The following GRHL2 variants were observed in gnomAD, a reference collection of about 807,000 sequenced individuals.
The protein encoded by GRHL2 is grainyhead-like protein 2 homolog.
A neutral mutation model predicts 83.8 loss-of-function variants in GRHL2; 21 were observed. The observed-to-expected ratio is 0.25, with a 90% confidence interval of 0.18 to 0.36. The LOEUF (loss-of-function observed/expected upper bound fraction) is 0.36. Ranked by LOEUF, GRHL2 falls within the 10% of genes least tolerant of loss-of-function variation. GRHL2 has a pLI of 1.00. For synonymous variants in GRHL2, 280 were observed against 278.9 expected, an observed-to-expected ratio of 1.00 and a Z score of -0.04; for missense variants, 623 against 781.8, an observed-to-expected ratio of 0.80 and a Z score of 2.42.
Position 101,652,072 on chromosome 8 carries a change from A to G in GRHL2, c.1698+2573A>G, listed in dbSNP as rs143764152. Among the ~76,000 whole-genome samples, 506 of 152,184 alleles carry G rather than the reference A, an allele frequency of 3.3e-3. 1 individual carries two copies. Among genetic ancestry groups the G allele is most frequent in the Middle Eastern group, 6.8e-3 (2 of 294 alleles). On this transcript the variant is annotated intron_variant, in intron 14 of 15. Coordinates refer to ENST00000646743, the MANE Select transcript of GRHL2 (RefSeq NM_024915.4). ...ATGAAGCGGTAGAATTGTCAAGAAC[A>G]GTGGCTCCTGCTCACTGTAGTTGTA...
At chr8:101,604,448 C>T (rs1812588199) in intron 8 of GRHL2, among the ~76,000 whole-genome samples, 1 of 152,152 alleles carries the variant, frequency 6.6e-6, no homozygotes, top group African/African-American at 2.4e-5. Context: ...TTGTCCAGGG[C>T]TGTTTTCTCT....
At chr8:101,595,699 G>GT (rs1266874134) in intron 7 of GRHL2, among the ~76,000 whole-genome samples, 9 of 151,720 alleles carry the variant, frequency 5.9e-5, no homozygotes, top group Admixed American at 1.3e-4. Flanking sequence ...GTTTTTCTTT[G>GT]TTTTTTGTTT....
the GRHL2 span, among the ~76,000 whole-genome samples, chr8:101,677,460 G>T: frequency 6.6e-6 from 1 of 151,874 alleles, no homozygotes; most frequent in African/African-American, 2.4e-5. Context: ...TATAGTGCTT[G>T]GTTCTATGTT....
chr8:101,593,002 A>G (rs532889200), intron 7 of GRHL2, among the ~76,000 whole-genome samples: 1 of 152,234 alleles, frequency 6.6e-6, no homozygotes, highest in African/African-American at 2.4e-5. Context: ...GCTGGAGTGC[A>G]ATGGTGTGAT....
Position 101,614,117 on chromosome 8 carries a change from TAATA to T in GRHL2, c.1099-5418_1099-5415del, listed in dbSNP as rs570821104. Among the ~76,000 whole-genome samples, 441 of 151,220 alleles carry T rather than the reference TAATA, an allele frequency of 2.9e-3. 36 individuals carry two copies. The highest frequency in any genetic ancestry group is 0.01 in the African/African-American group (421 of 40,590). On this transcript the variant is annotated intron_variant, in intron 8 of 15. Coordinates refer to ENST00000646743, the MANE Select transcript of GRHL2 (RefSeq NM_024915.4). ...AAAGCTCATTGATTTGTGCTTATTT[TAATA>T]AATCTTACTGTATGCATAATGTACA...
chr8:101,646,975 C>G (rs1393458933), intron 13 of GRHL2, among the ~76,000 whole-genome samples: 1 of 152,208 alleles, frequency 6.6e-6, no homozygotes, highest in East Asian at 1.9e-4. Flanking sequence ...CAACGCGGCT[C>G]CCTTTAACAC....
chr8:101,623,714 G>C (rs1283454105), intron 9 of GRHL2, among the ~76,000 whole-genome samples: 1 of 151,642 alleles, frequency 6.6e-6, no homozygotes, highest in Admixed American at 6.6e-5. Flanking sequence ...CAGTAGGACA[G>C]TTTACAGTAC....
chr8:101,557,655 TA>T (rs1811516049), intron 3 of GRHL2, among the ~76,000 whole-genome samples: 2 of 152,242 alleles, frequency 1.3e-5, no homozygotes, highest in African/African-American at 4.8e-5. Context: ...ACTTGATTTT[TA>T]TGACTTTTAA....
intron 14 of GRHL2, among the ~76,000 whole-genome samples, chr8:101,662,414 C>A (rs906740318): frequency 6.6e-6 from 1 of 152,164 alleles, no homozygotes; most frequent in South Asian, 2.1e-4. Flanking sequence ...GAGTTCTTCC[C>A]GTGGGGTGAG....
chr8:101,631,079 T>G (rs1452390182), intron 9 of GRHL2, among the ~76,000 whole-genome samples: 1 of 152,164 alleles, frequency 6.6e-6, no homozygotes, highest in Non-Finnish European at 1.5e-5. Context: ...TATGGAAATA[T>G]TAAAACAAAA....
chr8:101,530,450 A>G (rs112194440), intron 1 of GRHL2, among the ~76,000 whole-genome samples: 1,848 of 152,324 alleles, frequency 0.012, 30 homozygotes, highest in African/African-American at 0.042. Context: ...TGGTTATAAC[A>G]TAATTCTTTC....
chr8:101,568,556 C>T (rs1170438754), intron 4 of GRHL2, among the ~76,000 whole-genome samples: 4 of 151,892 alleles, frequency 2.6e-5, no homozygotes, highest in Admixed American at 1.3e-4. Context: ...TCAACATAGA[C>T]TTTCATATAT....
intron 14 of GRHL2, among the ~76,000 whole-genome samples, chr8:101,661,993 A>G (rs889158703): frequency 6.6e-6 from 1 of 152,156 alleles, no homozygotes; most frequent in Non-Finnish European, 1.5e-5. Flanking sequence ...GCGCTTTGAA[A>G]TTGTTTTTGA....
chr8:101,648,141 T>G (rs1336328995), intron 13 of GRHL2, among the ~76,000 whole-genome samples: 1 of 152,126 alleles, frequency 6.6e-6, no homozygotes, highest in African/African-American at 2.4e-5. Flanking sequence ...GGCCTCTGAA[T>G]GACAGTTCCA....
Position 101,492,738 on chromosome 8 carries a change from A to C in GRHL2, c.-32A>C, listed in dbSNP as rs188593111. On this transcript the variant is annotated 5_prime_UTR_variant, in exon 1 of 16. Transcript: ENST00000646743. ...CAGTTTCACCAGAGGCTGAGGCTCC[A>C]GGAAAAGCGGAGCAAGTTCATTGGA... is the stretch of plus-strand genomic sequence containing the variant. 1 of 1,607,630 alleles carries C rather than the reference A, an allele frequency of 6.2e-7. No individual in the cohort carries two copies. Among genetic ancestry groups the C allele is most frequent in the East Asian group, 2.2e-5 (1 of 44,852 alleles).
chr8:101,619,499 T>G, intron 8 of GRHL2, 40 bp from the exon 9 acceptor site: 1 of 1,600,670 alleles, frequency 6.2e-7, no homozygotes, highest in South Asian at 1.1e-5. Flanking sequence ...TACATTCTTT[T>G]TATGTTGACT....
intron 1 of GRHL2, among the ~76,000 whole-genome samples, chr8:101,540,033 G>A (rs1811120607): frequency 6.6e-6 from 1 of 152,128 alleles, no homozygotes; most frequent in African/African-American, 2.4e-5. Flanking sequence ...AATATTTAAA[G>A]AATATTGTTG....
At chr8:101,564,960 G>A (rs1811686538) in intron 4 of GRHL2, among the ~76,000 whole-genome samples, 1 of 152,114 alleles carries the variant, frequency 6.6e-6, no homozygotes, top group African/African-American at 2.4e-5. Flanking sequence ...GAAGCTTAGG[G>A]CAAAATGCAT....
rs556883488 is a variant in GRHL2 at position 101,553,142 on chromosome 8, A to G, written c.284+360A>G. 2.0e-5 allele frequency among the ~76,000 whole-genome samples: 3 copies of G among 152,308 alleles called. No homozygotes were observed. The East Asian group carries it at 5.8e-4, about 29-fold the overall frequency. The stretch of plus-strand genomic sequence containing the variant: ...GCCCCTCAGGAAGTGAGACACTTGA[A>G]GGATTGCTTTTGATGATCAGGGAAG... On this transcript the variant is annotated intron_variant, in intron 3 of 15. Transcript: ENST00000646743.
Sources: allele counts gnomAD v4.1 joint callset (sites outside exome capture counted in the v4.1 genomes callset), GRCh38; gene constraint gnomAD v4.1.1; transcripts MANE v1.5; gene names NCBI Gene and HGNC (gene_info 2026-07-23, HGNC 2026-07-21).